Variants in TDRD1 observed in about 807,000 individuals in gnomAD.
The protein encoded by TDRD1 is tudor domain containing 1.
In TDRD1, 37 loss-of-function variants were observed where a neutral mutation model predicts 140.6. The ratio of observed to expected loss-of-function variants is 0.26; its 90% CI spans 0.20 to 0.35. The LOEUF is 0.35. Among genes scored for constraint, TDRD1 ranks in the 10% least tolerant of loss-of-function variants. The pLI is 1.00. For missense variants in TDRD1, 1,243 were observed against 1,393.0 expected (o/e 0.89, Z 1.71); for synonymous variants, 506 against 475.7 (o/e 1.06, Z -0.83).
At chr10:114,206,096 C>T in intron 10 of TDRD1, 148 bp from the exon 11 acceptor site, 4 of 603,464 alleles carry the variant, frequency 6.6e-6, no homozygotes, top group Non-Finnish European at 8.7e-6. Context: ...CATAGCTTAC[C>T]CATAGGAACT....
intron 11 of TDRD1, among the ~76,000 whole-genome samples, chr10:114,210,130 T>A (rs2035388596): frequency 6.6e-6 from 1 of 152,218 alleles, no homozygotes; most frequent in Non-Finnish European, 1.5e-5. Flanking sequence ...TTTTGAACTG[T>A]TGAATGCATT....
At chr10:114,232,266 C>G (rs1275344265) in exon 26 of TDRD1, 1 of 149,686 alleles carries the variant, frequency 6.7e-6, no homozygotes, top group Non-Finnish European at 1.5e-5. Flanking sequence ...ATAGAATTTA[C>G]TGTTTCTGAA....
intron 3 of TDRD1, among the ~76,000 whole-genome samples, chr10:114,196,101 A>G (rs1309064546): frequency 2.0e-5 from 3 of 152,218 alleles, no homozygotes; most frequent in South Asian, 2.1e-4. Flanking sequence ...ACTCTCAAAC[A>G]TAATTTAGAA....
chr10:114,220,588 C>T lies in TDRD1; in HGVS notation c.2515C>T (p.His839Tyr), dbSNP rs771794523. ...TCTAGATATACAGTCTAGAAACAAA[C>T]ATTGGTCTGAAGAAGCCATAACAAG... Residue 839 changes from histidine (H) to tyrosine (Y), a missense_variant, in exon 19 of 26, where the codon CAT becomes TAT. Transcript: ENST00000251864. 4 of 1,612,642 alleles carry T rather than the reference C, an allele frequency of 2.5e-6. No homozygotes were observed. In the Admixed American group the frequency reaches 5.0e-5, roughly 20 times the overall value.
intron 3 of TDRD1, among the ~76,000 whole-genome samples, chr10:114,195,091 A>T (rs959442654): frequency 4.6e-5 from 7 of 151,976 alleles, no homozygotes; most frequent in Non-Finnish European, 8.8e-5. Flanking sequence ...TTGAAACTTC[A>T]TCTTTAACTC....
At chr10:114,221,276 A>T (rs1825125703) in intron 19 of TDRD1, 81 bp from the exon 20 acceptor site, 4 of 1,274,854 alleles carry the variant, frequency 3.1e-6, no homozygotes, top group Admixed American at 4.4e-5. Flanking sequence ...TGAACAAATG[A>T]TTGAATTAAA....
At chr10:114,219,745 C>T (rs1321050857) in intron 18 of TDRD1, among the ~76,000 whole-genome samples, 1 of 151,976 alleles carries the variant, frequency 6.6e-6, no homozygotes, top group Non-Finnish European at 1.5e-5. Context: ...CATGTGCCAC[C>T]ACGCCCAACT....
At chr10:114,206,517 T>C (rs2035114002) in intron 11 of TDRD1, among the ~76,000 whole-genome samples, 187 bp downstream of exon 11, 2 of 152,092 alleles carry the variant, frequency 1.3e-5, no homozygotes, top group Admixed American at 1.3e-4. Flanking sequence ...CTGCCTGTTC[T>C]CCTCCTCTGT....
At chr10:114,217,691 C>A (rs769305446) in intron 17 of TDRD1, 36 bp downstream of exon 17, 3 of 1,116,632 alleles carry the variant, frequency 2.7e-6, no homozygotes, top group Admixed American at 2.0e-5. Flanking sequence ...ACTTTTAGAA[C>A]CTTATATTTC....
intron 11 of TDRD1, among the ~76,000 whole-genome samples, chr10:114,207,951 G>A (rs1225678876): frequency 1.3e-5 from 2 of 152,046 alleles, no homozygotes; most frequent in Admixed American, 1.3e-4. Context: ...GAGAAGTGCA[G>A]GGTGCAACGG....
chr10:114,218,527 AT>A lies in TDRD1; in HGVS notation c.2438del (p.Met813ArgfsTer7). On this transcript the variant is annotated frameshift_variant, in exon 18 of 26. Coordinates refer to ENST00000251864, the Ensembl canonical transcript of TDRD1. LOFTEE classifies it high-confidence loss of function. ...AGAAGTTACTGCAGATGAACTCCGA[AT>A]GATATCATCAACATTTTTAAACCTT... The A allele has an allele frequency of 6.2e-7, 1 of 1,612,410 alleles. No homozygotes were observed. Among genetic ancestry groups the A allele is most frequent in the Non-Finnish European group, 8.5e-7 (1 of 1,179,000 alleles).
chr10:114,203,435 A>T, exon 8 of TDRD1: 1 of 1,613,752 alleles, frequency 6.2e-7, no homozygotes, highest in Non-Finnish European at 8.5e-7. Context: ...ACGTGCAGTT[A>T]TATTCTTCAG....
At chr10:114,232,504 C>CTTTTTTTTTTTTTTTTTTTT (rs140805425), downstream of TDRD1, among the ~76,000 whole-genome samples, 10 of 81,668 alleles carry the variant, frequency 1.2e-4, no homozygotes, top group African/African-American at 2.9e-4. Flanking sequence ...ACTTGAAAGA[C>CTTTTTTTTTTTTTTTTTTTT]TTTTTTTTTT....
chr10:114,181,825 G>A lies in TDRD1; in HGVS notation c.-7+2409G>A, dbSNP rs551501646. Reference sequence around the variant, plus strand: ...CATGCCGCTGCACTCCATTCTGGGCGATGGAGCGAGACAACATCTCAAAAA... The same window carrying A: ...CATGCCGCTGCACTCCATTCTGGGCAATGGAGCGAGACAACATCTCAAAAA... On this transcript the variant is annotated intron_variant, in intron 1 of 25. Coordinates refer to ENST00000251864, the Ensembl canonical transcript of TDRD1. Among the ~76,000 whole-genome samples, 27 of 141,270 alleles carry A rather than the reference G, an allele frequency of 1.9e-4. No homozygotes were observed. In the East Asian group the frequency reaches 4.2e-3, roughly 22 times the overall value. 92.7% of individuals were successfully genotyped at this position (141,270 alleles called of 152,430 possible).
upstream of TDRD1, among the ~76,000 whole-genome samples, chr10:114,177,823 T>C (rs1310112634): frequency 6.7e-6 from 1 of 149,710 alleles, no homozygotes; most frequent in African/African-American, 2.5e-5. Context: ...TTCTTTTCTT[T>C]CTTTCTTTTT....
At chr10:114,204,074 C>T (rs200903831) in exon 9 of TDRD1, 2 of 1,601,780 alleles carry the variant, frequency 1.2e-6, no homozygotes, top group African/African-American at 2.7e-5. Context: ...CACTTTCAGA[C>T]CTGGAACAGA....
intron 18 of TDRD1, among the ~76,000 whole-genome samples, chr10:114,220,247 A>G (rs1271707006): frequency 6.6e-6 from 1 of 152,266 alleles, no homozygotes; most frequent in Admixed American, 6.5e-5. Flanking sequence ...TTCTACCAGC[A>G]TAATGGTTAA....
Position 114,188,110 on chromosome 10 carries a change from C to T in TDRD1, c.279C>T (p.Asn93=), listed in dbSNP as rs773789892. Residue 93 remains asparagine (N), a synonymous_variant, in exon 2 of 26, where the codon AAC becomes AAT. Coordinates refer to ENST00000251864, the Ensembl canonical transcript of TDRD1. The stretch of plus-strand genomic sequence containing the variant: ...TTTCTTCAAACCCGAATGGCATCAA[C>T]GGAGAAGTAGTTGGCTCCAAAGGAG... The T allele has an allele frequency of 1.4e-5, 22 of 1,608,676 alleles. No individual in the cohort carries two copies. In the Admixed American group the frequency reaches 1.9e-4, roughly 14 times the overall value.
At chr10:114,177,816 TTTTC>T (rs1173874934), upstream of TDRD1, among the ~76,000 whole-genome samples, 1 of 151,272 alleles carries the variant, frequency 6.6e-6, no homozygotes, top group African/African-American at 2.4e-5. Context: ...CAGCACCTTC[TTTTC>T]TTTCTTTCTT....
Sources: allele counts gnomAD v4.1 joint callset (sites outside exome capture counted in the v4.1 genomes callset), GRCh38; gene constraint gnomAD v4.1.1; transcripts MANE v1.5; gene names NCBI Gene and HGNC (gene_info 2026-07-23, HGNC 2026-07-21).